NELL1: variants seen among roughly 807,000 people sequenced by gnomAD.
NELL1 encodes neural EGFL like 1.
A neutral mutation model predicts 107.4 loss-of-function variants in NELL1; 76 were observed. The observed-to-expected ratio is 0.71, with a 90% CI of 0.59 to 0.86. NELL1 has a LOEUF of 0.86. Among genes scored for constraint, NELL1 ranks in the 40% least tolerant of loss-of-function variants. The pLI is 0.00. For synonymous variants in NELL1, 353 were observed against 341.2 expected, an observed-to-expected ratio of 1.03 and a Z score of -0.38; for missense variants, 1,024 against 1,005.5, an observed-to-expected ratio of 1.02 and a Z score of -0.25.
At chr11:21,208,806 T>G (rs1857440643) in intron 13 of NELL1, among the ~76,000 whole-genome samples, 1 of 152,168 alleles carries the variant, frequency 6.6e-6, no homozygotes, top group African/African-American at 2.4e-5. Context: ...TTTAAGAATC[T>G]ATAAGCTCTT....
At chr11:21,490,216 G>A (rs751326752) in intron 15 of NELL1, among the ~76,000 whole-genome samples, 24 of 151,726 alleles carry the variant, frequency 1.6e-4, no homozygotes, top group Non-Finnish European at 3.1e-4. Context: ...TATATACTCA[G>A]GAATTAATTT....
chr11:21,561,980 T>C lies in NELL1; in HGVS notation c.1980+1598T>C, dbSNP rs1293576167. ...GCCAGCAGAATGGGGGTGAATTCTT[T>C]GCTAGGTCATTTCAAGAAACTATTG... On this transcript the variant is annotated intron_variant, in intron 17 of 19. Transcript: ENST00000357134. 7.9e-5 allele frequency among the ~76,000 whole-genome samples: 12 copies of C among 152,018 alleles called. 1 individual carries two copies. Among genetic ancestry groups the C allele is most frequent in the Admixed American group, 7.9e-4 (12 of 15,260 alleles).
intron 13 of NELL1, among the ~76,000 whole-genome samples, chr11:21,166,223 G>A (rs1407759288): frequency 1.3e-5 from 2 of 151,756 alleles, no homozygotes; most frequent in East Asian, 3.9e-4. Flanking sequence ...GGATACCAGG[G>A]GCTGGGAAGG....
rs145150110 is a variant in NELL1 at position 21,256,795 on chromosome 11, G to C, written c.1549+27341G>C. Among the ~76,000 whole-genome samples, 504 of 152,036 alleles carry C rather than the reference G, an allele frequency of 3.3e-3. 2 individuals are homozygous for C. Among genetic ancestry groups the C allele is most frequent in the Non-Finnish European group, 6.4e-3 (435 of 67,934 alleles). Reference sequence around the variant, plus strand: ...GCTCTCCCAGAAGACTGTGAGAAAAGGATTTGAGCTCATAGATTGTATCTG... The same window carrying C: ...GCTCTCCCAGAAGACTGTGAGAAAACGATTTGAGCTCATAGATTGTATCTG... On this transcript the variant is annotated intron_variant, in intron 14 of 19. Coordinates refer to ENST00000357134, the MANE Select transcript of NELL1 (RefSeq NM_006157.5).
intron 15 of NELL1, among the ~76,000 whole-genome samples, chr11:21,438,380 G>C (rs1220896755): frequency 6.6e-6 from 1 of 151,992 alleles, no homozygotes; most frequent in Non-Finnish European, 1.5e-5. Context: ...TGACTTGATG[G>C]CCTTCGTTGC....
intron 12 of NELL1, among the ~76,000 whole-genome samples, chr11:21,038,128 C>T (rs116193070): frequency 0.012 from 1,898 of 152,148 alleles, 40 homozygotes; most frequent in African/African-American, 0.043. Flanking sequence ...GGCTTATAAG[C>T]GAACTGCAAG....
chr11:20,684,607 T>C (rs972190282), intron 2 of NELL1, among the ~76,000 whole-genome samples: 4 of 152,158 alleles, frequency 2.6e-5, no homozygotes, highest in Non-Finnish European at 4.4e-5. Flanking sequence ...CATTACTTCT[T>C]CCTTGCATGC....
intron 10 of NELL1, among the ~76,000 whole-genome samples, chr11:20,940,963 ACT>A (rs1263602974): frequency 2.0e-5 from 3 of 151,924 alleles, no homozygotes; most frequent in Non-Finnish European, 2.9e-5. Flanking sequence ...ACATGGTGAA[ACT>A]CTGTCTCTCC....
chr11:21,336,015 G>A (rs1590847465), intron 14 of NELL1, among the ~76,000 whole-genome samples: 1 of 151,950 alleles, frequency 6.6e-6, no homozygotes, highest in Non-Finnish European at 1.5e-5. Context: ...CATTTATATA[G>A]CATTAATTAA....
intron 12 of NELL1, among the ~76,000 whole-genome samples, chr11:21,015,968 G>A (rs1411400325): frequency 1.3e-5 from 2 of 151,608 alleles, no homozygotes; most frequent in African/African-American, 2.4e-5. Flanking sequence ...TTTTGTGTCC[G>A]AGGGCTAAGC....
chr11:21,473,371 G>T (rs1232235730), intron 15 of NELL1, among the ~76,000 whole-genome samples: 1 of 151,882 alleles, frequency 6.6e-6, no homozygotes, highest in Non-Finnish European at 1.5e-5. Context: ...CATTTGTTCT[G>T]TATTGAATGG....
intron 5 of NELL1, among the ~76,000 whole-genome samples, chr11:20,910,418 G>A (rs1171657742): frequency 1.3e-5 from 2 of 152,140 alleles, no homozygotes; most frequent in Admixed American, 6.5e-5. Flanking sequence ...GAGTACAAAT[G>A]GGGAATCAAT....
At chr11:21,551,033 G>A (rs1370996767) in intron 16 of NELL1, among the ~76,000 whole-genome samples, 1 of 150,826 alleles carries the variant, frequency 6.6e-6, no homozygotes, top group African/African-American at 2.4e-5. Context: ...GTGGTTTGTA[G>A]TTCTCCTTGA....
At chr11:20,956,019 G>A (rs1681242967) in intron 11 of NELL1, among the ~76,000 whole-genome samples, 1 of 152,070 alleles carries the variant, frequency 6.6e-6, no homozygotes, top group Non-Finnish European at 1.5e-5. Context: ...AGGAGTTAGA[G>A]ACCAGCCTGG....
intron 13 of NELL1, among the ~76,000 whole-genome samples, chr11:21,162,220 A>C (rs939775408): frequency 6.6e-6 from 1 of 152,116 alleles, no homozygotes. Context: ...AAGTGCTGGG[A>C]TTACAGGCGT....
intron 15 of NELL1, among the ~76,000 whole-genome samples, chr11:21,533,670 A>G (rs1456298335): frequency 6.6e-6 from 1 of 152,172 alleles, no homozygotes; most frequent in Admixed American, 6.5e-5. Context: ...AAAAAAGCCT[A>G]GGAGACTTCC....
At chr11:21,560,899 CTT>C (rs1856835444) in intron 17 of NELL1, among the ~76,000 whole-genome samples, 3 of 151,332 alleles carry the variant, frequency 2.0e-5, no homozygotes, top group African/African-American at 4.9e-5. Flanking sequence ...AAATTGATGT[CTT>C]CTTTGTTATT....
At chr11:20,873,593 TG>T (rs1438719662) in intron 4 of NELL1, among the ~76,000 whole-genome samples, 1 of 152,154 alleles carries the variant, frequency 6.6e-6, no homozygotes, top group Non-Finnish European at 1.5e-5. Context: ...TGGTAGATGT[TG>T]TTATTAAAGG....
chr11:21,394,425 G>A (rs919912368), intron 15 of NELL1, among the ~76,000 whole-genome samples: 5 of 151,198 alleles, frequency 3.3e-5, no homozygotes, highest in African/African-American at 1.2e-4. Context: ...TATGTATATA[G>A]CCCTATATAT....
Sources: gnomAD v4.1 joint callset for allele counts (sites outside exome capture counted in the v4.1 genomes callset) on GRCh38, gnomAD v4.1.1 for gene constraint, MANE v1.5 for transcripts, NCBI Gene and HGNC (gene_info 2026-07-23, HGNC 2026-07-21) for gene names.